PHF14: variants seen among roughly 807,000 people sequenced by gnomAD.
PHF14 encodes the protein PHD finger protein 14.
Under a neutral mutation model 117.9 loss-of-function variants are expected in PHF14, and 55 were observed. That is an observed-to-expected ratio of 0.47 (90% CI 0.38 to 0.58). The LOEUF (loss-of-function observed/expected upper bound fraction) is 0.58. Ranked by LOEUF, PHF14 falls within the 20% of genes least tolerant of loss-of-function variation. The pLI, the probability that PHF14 is intolerant of heterozygous loss-of-function variation, is 0.00. For missense variants in PHF14, 978 were observed against 1,122.2 expected (o/e 0.87, Z 1.84); for synonymous variants, 409 against 368.6 (o/e 1.11, Z -1.26).
At chr7:11,144,313 CA>C (rs1788482030) in intron 17 of PHF14, among the ~76,000 whole-genome samples, 8 of 151,548 alleles carry the variant, frequency 5.3e-5, no homozygotes, top group Admixed American at 5.3e-4. Context: ...GGATGTTTCT[CA>C]AAAAAACTAA....
intron 6 of PHF14, among the ~76,000 whole-genome samples, chr7:11,028,050 G>GACTTATGT (rs1783985044): frequency 3.3e-5 from 5 of 152,076 alleles, no homozygotes; most frequent in Non-Finnish European, 7.4e-5. Context: ...TTTACATCCT[G>GACTTATGT]ATAAATCCAT....
At chr7:11,114,533 A>C (rs1365844151) in intron 17 of PHF14, among the ~76,000 whole-genome samples, 1 of 152,088 alleles carries the variant, frequency 6.6e-6, no homozygotes, top group Non-Finnish European at 1.5e-5. Context: ...ATACACCTAA[A>C]TATTTAGTTT....
Position 11,051,670 on chromosome 7 carries a change from G to A in PHF14, c.2371G>A (p.Glu791Lys). 1.2e-6 allele frequency: 2 copies of A among 1,613,654 alleles called. No homozygotes were observed. Among genetic ancestry groups the A allele is most frequent in the Non-Finnish European group, 1.7e-6 (2 of 1,179,708 alleles). Residue 791 changes from glutamate to lysine, a missense_variant, in exon 14 of 18, where the codon GAA (glutamate) becomes AAA (lysine). By Grantham distance (56) the Glu-to-Lys change is moderately conservative (BLOSUM62 1). Transcript: ENST00000634607. Reference protein sequence around the residue: ...SSDMEADMAMETLPDGTKRSR... With the variant: ...SSDMEADMAMKTLPDGTKRSR... ...TGACATGGAAGCAGATATGGCCATG[G>A]AAACCCTACCAGATGGAACCAAACG...
chr7:11,126,584 A>G (rs1326311576), intron 17 of PHF14, among the ~76,000 whole-genome samples: 4 of 152,122 alleles, frequency 2.6e-5, no homozygotes, highest in Non-Finnish European at 5.9e-5. Context: ...CAAAATCCCT[A>G]ACTTTTGTCT....
chr7:11,117,635 G>A (rs1020822303), intron 17 of PHF14, among the ~76,000 whole-genome samples: 8 of 71,908 alleles, frequency 1.1e-4, no homozygotes, highest in African/African-American at 3.9e-4. Context: ...GTATAAATAT[G>A]TATAAATATA....
chr7:11,028,917 T>A, intron 7 of PHF14, 99 bp downstream of exon 7: 1 of 1,014,946 alleles, frequency 9.9e-7, no homozygotes, highest in Non-Finnish European at 1.4e-6. Context: ...AATTTTAACA[T>A]TTATTCTTAA....
At chr7:11,006,061 G>A (rs768580984) in intron 4 of PHF14, among the ~76,000 whole-genome samples, 24 of 151,912 alleles carry the variant, frequency 1.6e-4, no homozygotes, top group Middle Eastern at 3.4e-3. Flanking sequence ...CAAAGTGCTG[G>A]GATTACAGGG....
intron 17 of PHF14, among the ~76,000 whole-genome samples, chr7:11,138,862 T>A (rs997256758): frequency 2.6e-5 from 4 of 152,188 alleles, no homozygotes; most frequent in Admixed American, 6.5e-5. Context: ...ATTGTGTTAC[T>A]TGGAACTCAA....
rs1398664915 is a variant in PHF14 at position 11,130,346 on chromosome 7, C to A, written c.2772+18879C>A. ...CCTTTCTGGGATTCATTCCAGGATT[C>A]AAGGAAATCCTTGGAGAGAGAGAGA... On this transcript the variant is annotated intron_variant, in intron 17 of 17. Coordinates refer to ENST00000634607, the MANE Select transcript of PHF14 (RefSeq NM_001007157.2). The surrounding 1 kb of genome is among the most constrained non-coding windows in gnomAD (Gnocchi z 4.2). Among the ~76,000 whole-genome samples the A allele has an allele frequency of 6.6e-6, 1 of 151,950 alleles. No individual in the cohort carries two copies. The highest frequency in any genetic ancestry group is 1.5e-5 in the Non-Finnish European group (1 of 67,924).
At chr7:11,038,448 A>G (rs950011059) in intron 10 of PHF14, among the ~76,000 whole-genome samples, 1 of 151,140 alleles carries the variant, frequency 6.6e-6, no homozygotes, top group Admixed American at 6.6e-5. Flanking sequence ...AAAAAAAAAA[A>G]ATAGATCGAG....
intron 17 of PHF14, among the ~76,000 whole-genome samples, chr7:11,157,518 T>C (rs1161779186): frequency 6.6e-6 from 1 of 152,164 alleles, no homozygotes; most frequent in East Asian, 1.9e-4. Context: ...TTTTTCCCTA[T>C]ATAGTAGACA....
At chr7:10,991,467 G>A (rs1026647370) in intron 4 of PHF14, among the ~76,000 whole-genome samples, 20 of 151,884 alleles carry the variant, frequency 1.3e-4, no homozygotes, top group African/African-American at 3.9e-4. Flanking sequence ...GAACTACCGC[G>A]CCCGGCCAAT....
chr7:11,156,304 C>G (rs1788848802), intron 17 of PHF14, among the ~76,000 whole-genome samples: 1 of 152,068 alleles, frequency 6.6e-6, no homozygotes, highest in African/African-American at 2.4e-5. Flanking sequence ...TTAAATTTTT[C>G]TTGAAGCAAA....
At chr7:11,015,131 C>T (rs150795864) in intron 5 of PHF14, 3 of 151,964 alleles carry the variant, frequency 2.0e-5, no homozygotes, top group Non-Finnish European at 4.4e-5. Context: ...CCATCATTTC[C>T]CATATTTTAA....
At chr7:11,147,260 A>G (rs958371845) in intron 17 of PHF14, among the ~76,000 whole-genome samples, 1 of 152,224 alleles carries the variant, frequency 6.6e-6, no homozygotes, top group African/African-American at 2.4e-5. Flanking sequence ...AATATAGGAC[A>G]TATAAAATAT....
In PHF14 at chr7:11,154,885, A is replaced by G. The variant is rs552688249; in HGVS notation, c.2773-14531A>G. ...AATACAATTATATTGTAATACCAAC[A>G]GTTGAAATTGCAAGATCAAGAAATT... On this transcript the variant is annotated intron_variant, in intron 17 of 17. Coordinates refer to ENST00000634607, the MANE Select transcript of PHF14 (RefSeq NM_001007157.2). Among the ~76,000 whole-genome samples, 4 of 152,270 alleles carry G rather than the reference A, an allele frequency of 2.6e-5. No individual in the cohort carries two copies. In the South Asian group the frequency reaches 8.3e-4, roughly 32 times the overall value.
At chr7:11,031,863 A>G (rs1357929981) in intron 7 of PHF14, among the ~76,000 whole-genome samples, 1 of 152,246 alleles carries the variant, frequency 6.6e-6, no homozygotes, top group East Asian at 1.9e-4. Context: ...AAAGTTACTT[A>G]TAGTCCAAGT....
chr7:11,143,291 T>G (rs1390970768), intron 17 of PHF14, among the ~76,000 whole-genome samples: 2 of 152,148 alleles, frequency 1.3e-5, no homozygotes, highest in Non-Finnish European at 2.9e-5. Flanking sequence ...GAAACATTAT[T>G]TTTATTTTTT....
At chr7:11,137,590 CTTTTTTTTT>C (rs5882293) in intron 17 of PHF14, among the ~76,000 whole-genome samples, 23 of 93,978 alleles carry the variant, frequency 2.4e-4, no homozygotes, top group Admixed American at 5.4e-4. Context: ...CTTAAAAATT[CTTTTTTTTT>C]TTTTTTTTTT....
Sources: gnomAD v4.1 joint callset for allele counts (sites outside exome capture counted in the v4.1 genomes callset) on GRCh38, gnomAD v4.1.1 for gene constraint, Gnocchi (gnomAD v3.1) non-coding constraint, MANE v1.5 for transcripts, NCBI Gene and HGNC (gene_info 2026-07-23, HGNC 2026-07-21) for gene names.